SLC38A12: variants seen among roughly 807,000 people sequenced by gnomAD.
The protein encoded by SLC38A12 is solute carrier family 38 member 12, also known as putative sodium-coupled neutral amino acid transporter 12.
chr17:74,812,029 G>A, the SLC38A12 span, among the ~76,000 whole-genome samples: 1 of 151,024 alleles, frequency 6.6e-6, no homozygotes, highest in Non-Finnish European at 1.5e-5. Flanking sequence ...CTGGGTGACA[G>A]TGCCTCAAAA....
At chr17:74,802,297 G>A in the SLC38A12 span, among the ~76,000 whole-genome samples, 1 of 152,108 alleles carries the variant, frequency 6.6e-6, no homozygotes, top group South Asian at 2.1e-4. Flanking sequence ...ATACCTATGC[G>A]CCAGTTGAGA....
the SLC38A12 span, among the ~76,000 whole-genome samples, chr17:74,807,772 C>G: frequency 2.0e-5 from 3 of 152,230 alleles, no homozygotes; most frequent in Non-Finnish European, 2.9e-5. Flanking sequence ...GAGTAGGCGC[C>G]AGCTCCACAG....
the SLC38A12 span, chr17:74,837,814 T>C: frequency 4.1e-6 from 4 of 985,830 alleles, no homozygotes; most frequent in Non-Finnish European, 4.8e-6. Context: ...AACTCTGCAT[T>C]TTCAACGTGC....
chr17:74,819,218 C>T, the SLC38A12 span, among the ~76,000 whole-genome samples: 1 of 152,202 alleles, frequency 6.6e-6, no homozygotes, highest in Non-Finnish European at 1.5e-5. Context: ...AAACGTGGCC[C>T]ATGCACATCC....
chr17:74,820,413 A>C, the SLC38A12 span, among the ~76,000 whole-genome samples: 1 of 152,202 alleles, frequency 6.6e-6, no homozygotes, highest in East Asian at 1.9e-4. Context: ...CATTGTCCTC[A>C]GCTGCGGTCT....
the SLC38A12 span, chr17:74,839,023 T>C: frequency 6.5e-7 from 1 of 1,535,774 alleles, no homozygotes; most frequent in Non-Finnish European, 8.7e-7. Context: ...TGGCCCCAGA[T>C]GCCCCCGGTG....
At chr17:74,785,642 T>G in the SLC38A12 span, 1 of 1,603,660 alleles carries the variant, frequency 6.2e-7, no homozygotes, top group African/African-American at 1.3e-5. Context: ...GGGCCAGGAG[T>G]GGAGCAGGAG....
At chr17:74,815,944 G>A in the SLC38A12 span, among the ~76,000 whole-genome samples, 1 of 152,160 alleles carries the variant, frequency 6.6e-6, no homozygotes, top group East Asian at 1.9e-4. Flanking sequence ...GCCACGTCCT[G>A]TCCAGGAAAT....
chr17:74,817,583 T>C, the SLC38A12 span, among the ~76,000 whole-genome samples: 1 of 152,160 alleles, frequency 6.6e-6, no homozygotes, highest in African/African-American at 2.4e-5. Flanking sequence ...TCTGATTAAA[T>C]AGAGGGATGC....
chr17:74,790,769 C>T, the SLC38A12 span, among the ~76,000 whole-genome samples: 1 of 142,408 alleles, frequency 7.0e-6, no homozygotes, highest in East Asian at 2.0e-4. Flanking sequence ...CTCTGAATTC[C>T]CTTAAAAAAA....
the SLC38A12 span, chr17:74,791,026 C>T: frequency 6.2e-7 from 1 of 1,613,602 alleles, no homozygotes; most frequent in Non-Finnish European, 8.5e-7. Flanking sequence ...CCTCCATGTT[C>T]TTCAATAAAG....
At chr17:74,832,783 C>G in the SLC38A12 span, among the ~76,000 whole-genome samples, 4 of 152,250 alleles carry the variant, frequency 2.6e-5, no homozygotes, top group Admixed American at 2.0e-4. Flanking sequence ...ATCCCACTTT[C>G]TAACACTCTG....
the SLC38A12 span, among the ~76,000 whole-genome samples, chr17:74,789,631 AG>A: frequency 2.0e-5 from 3 of 151,352 alleles, no homozygotes; most frequent in Non-Finnish European, 4.4e-5. Context: ...GGATCACCTG[AG>A]GTCAGGAGTT....
chr17:74,778,553 AGTCTTCCTATT>A, the SLC38A12 span, among the ~76,000 whole-genome samples: 1 of 149,454 alleles, frequency 6.7e-6, no homozygotes, highest in African/African-American at 2.5e-5. Flanking sequence ...CTGATTCCAG[AGTCTTCCTATT>A]GGGCCTGTGC....
the SLC38A12 span, among the ~76,000 whole-genome samples, chr17:74,798,298 A>G: frequency 2.6e-5 from 4 of 152,334 alleles, no homozygotes; most frequent in African/African-American, 4.8e-5. Flanking sequence ...GTGTCTTCCC[A>G]GGAATGCTCC....
the SLC38A12 span, among the ~76,000 whole-genome samples, chr17:74,779,016 C>T: frequency 3.3e-5 from 5 of 152,142 alleles, no homozygotes; most frequent in Admixed American, 2.0e-4. Flanking sequence ...AATAGTGTCC[C>T]TCTCATTTGT....
the SLC38A12 span, among the ~76,000 whole-genome samples, chr17:74,778,782 CCCCACCCT>C: frequency 0.076 from 11,563 of 151,814 alleles, 665 homozygotes; most frequent in African/African-American, 0.16. Flanking sequence ...AATTCTCCTG[CCCCACCCT>C]CCCAAGTAGC....
At chr17:74,837,104 G>A in the SLC38A12 span, 39 of 994,996 alleles carry the variant, frequency 3.9e-5, 1 homozygote, top group South Asian at 9.3e-5. Context: ...CCCATCCTGC[G>A]TCCTTGTCTA....
chr17:74,784,696 G>C, the SLC38A12 span, among the ~76,000 whole-genome samples: 2 of 152,272 alleles, frequency 1.3e-5, no homozygotes, highest in East Asian at 3.9e-4. Flanking sequence ...ATTCATGGTT[G>C]AGATCTTAGA....
Sources: gnomAD v4.1 joint callset for allele counts (sites outside exome capture counted in the v4.1 genomes callset) on GRCh38, gnomAD v4.1.1 for gene constraint, MANE v1.5 for transcripts, NCBI Gene and HGNC (gene_info 2026-07-23, HGNC 2026-07-21) for gene names.